Variants in UBR1 observed in about 807,000 individuals in gnomAD.
The protein encoded by UBR1 is E3 ubiquitin-protein ligase UBR1.
UBR1 carries 102 observed loss-of-function variants against 242.1 expected under a neutral mutation model. The observed-to-expected ratio is 0.42, with a 90% CI of 0.36 to 0.50. The LOEUF (loss-of-function observed/expected upper bound fraction) is 0.50, where lower values mean the gene tolerates loss of function less well. Ranked by LOEUF, UBR1 falls within the 20% of genes least tolerant of loss-of-function variation. The pLI is 0.01. For synonymous variants in UBR1, 675 were observed against 684.8 expected, an observed-to-expected ratio of 0.99 and a Z score of 0.22; for missense variants, 1,772 against 2,101.8, an observed-to-expected ratio of 0.84 and a Z score of 3.07.
intron 5 of UBR1, among the ~76,000 whole-genome samples, chr15:43,069,434 G>A (rs1352521454): frequency 2.6e-5 from 4 of 152,038 alleles, no homozygotes; most frequent in South Asian, 2.1e-4. Flanking sequence ...CCGCCATGAT[G>A]CCCAGCTAAT....
At chr15:43,002,906 C>T (rs1452642663) in intron 31 of UBR1, among the ~76,000 whole-genome samples, 1 of 152,190 alleles carries the variant, frequency 6.6e-6, no homozygotes, top group African/African-American at 2.4e-5. Flanking sequence ...TTGGAAAATA[C>T]ATCAGAGCAG....
chr15:42,948,726 A>G (rs1232007347), intron 46 of UBR1, among the ~76,000 whole-genome samples: 1 of 152,218 alleles, frequency 6.6e-6, no homozygotes, highest in Non-Finnish European at 1.5e-5. Flanking sequence ...TCAAAACCAC[A>G]ATGAGATACC....
chr15:43,085,448 GAC>G (rs2034024072), intron 2 of UBR1, among the ~76,000 whole-genome samples: 1 of 152,014 alleles, frequency 6.6e-6, no homozygotes, highest in South Asian at 2.1e-4. Context: ...TTAACTGGAA[GAC>G]ATATATATTC....
At chr15:43,034,683 C>G (rs1241472712) in intron 19 of UBR1, among the ~76,000 whole-genome samples, 3 of 151,672 alleles carry the variant, frequency 2.0e-5, no homozygotes, top group Non-Finnish European at 4.4e-5. Flanking sequence ...GTCAGAAGTT[C>G]GAGACCAGCC....
rs754961922 is a variant in UBR1 at position 43,106,007 on chromosome 15, C to G, written c.16G>C (p.Ala6Pro). MADEEAGGTERMEISA... is the reference protein window; with the variant it reads MADEEPGGTERMEISA... ...ATTTCCATCCTCTCAGTACCTCCAG[C>G]CTCCTCGTCCGCCATCTTGAGGGAA... is the stretch of plus-strand genomic sequence containing the variant. Residue 6 changes from alanine (A) to proline (P), a missense_variant, in exon 1 of 47, where the codon GCT becomes CCT. By Grantham distance (27) the Ala-to-Pro change is conservative. This residue lies in a region of UBR1 where 734 missense variants were observed against 893.3 expected (regional missense o/e 0.82). Coordinates refer to ENST00000290650, the MANE Select transcript of UBR1 (RefSeq NM_174916.3). The G allele has an allele frequency of 6.2e-7, 1 of 1,613,106 alleles. No individual in the cohort carries two copies. The highest frequency in any genetic ancestry group is 8.5e-7 in the Non-Finnish European group (1 of 1,179,652).
intron 2 of UBR1, among the ~76,000 whole-genome samples, chr15:43,082,956 A>C (rs1019368000): frequency 2.0e-5 from 3 of 152,250 alleles, no homozygotes; most frequent in African/African-American, 7.2e-5. Flanking sequence ...TTCTGAAATC[A>C]TTCTCATAAC....
chr15:43,100,431 C>T (rs1227063996), intron 1 of UBR1, among the ~76,000 whole-genome samples: 1 of 152,132 alleles, frequency 6.6e-6, no homozygotes, highest in Non-Finnish European at 1.5e-5. Context: ...TATCTACAAC[C>T]TCCATCCACC....
intron 41 of UBR1, among the ~76,000 whole-genome samples, chr15:42,965,456 C>T (rs2032090260): frequency 6.7e-6 from 1 of 149,850 alleles, no homozygotes; most frequent in East Asian, 1.9e-4. Context: ...TTAATGTAGT[C>T]ATATGTACTT....
intron 27 of UBR1, among the ~76,000 whole-genome samples, chr15:43,019,593 T>C: frequency 6.7e-6 from 1 of 150,052 alleles, no homozygotes; most frequent in South Asian, 2.1e-4. Context: ...TTTTTTTTTT[T>C]TTTTTTTGAG....
At position 42,979,842 on chromosome 15, in the gene UBR1, G is replaced by A. The variant is rs943194290; in HGVS notation, c.4151-1895C>T. Among the ~76,000 whole-genome samples, 7 of 152,172 alleles carry A rather than the reference G, an allele frequency of 4.6e-5. No homozygotes were observed. In the East Asian group the frequency reaches 1.3e-3, roughly 29 times the overall value. ...CAAAGTGCTGGGATTACAGGTGTGAGCCACTGCTCCAGGTCAACATATGAA... is the reference window on the plus strand; with the variant it reads ...CAAAGTGCTGGGATTACAGGTGTGAACCACTGCTCCAGGTCAACATATGAA... On this transcript the variant is annotated intron_variant, in intron 37 of 46. Coordinates refer to ENST00000290650, the MANE Select transcript of UBR1 (RefSeq NM_174916.3).
chr15:43,080,869 T>G (rs1370059426), intron 3 of UBR1, among the ~76,000 whole-genome samples: 1 of 151,856 alleles, frequency 6.6e-6, no homozygotes, highest in Admixed American at 6.6e-5. Context: ...GAGAAATGCA[T>G]GAACACAGGA....
intron 35 of UBR1, 124 bp downstream of exon 35, chr15:42,988,695 A>G: frequency 1.5e-6 from 2 of 1,319,888 alleles, no homozygotes; most frequent in Admixed American, 1.7e-5. Flanking sequence ...AATACACTGA[A>G]ATACTAATAG....
intron 3 of UBR1, among the ~76,000 whole-genome samples, chr15:43,081,447 G>C (rs924558613): frequency 6.2e-4 from 87 of 140,534 alleles, no homozygotes; most frequent in African/African-American, 2.2e-3. Flanking sequence ...AAAAAGAAAA[G>C]TTCCTGTTGT....
intron 27 of UBR1, chr15:43,021,036 G>A (rs2033104065): frequency 9.7e-6 from 4 of 411,732 alleles, no homozygotes; most frequent in Non-Finnish European, 1.8e-5. Context: ...AAGTGAGCAT[G>A]GCACATGGTA....
chr15:43,079,151 AAAC>A (rs1250923894), intron 3 of UBR1, among the ~76,000 whole-genome samples: 1 of 151,648 alleles, frequency 6.6e-6, no homozygotes, highest in African/African-American at 2.4e-5. Context: ...AAGAAAATCA[AAAC>A]AACGGAACAC....
At chr15:42,952,635 T>C (rs1352014093) in intron 44 of UBR1, among the ~76,000 whole-genome samples, 187 bp from the exon 45 acceptor site, 2 of 152,242 alleles carry the variant, frequency 1.3e-5, no homozygotes, top group Admixed American at 1.3e-4. Flanking sequence ...AAGGGCTTCA[T>C]GGAAAATCTT....
intron 25 of UBR1, 44 bp from the exon 26 acceptor site, chr15:43,022,845 G>T: frequency 8.2e-7 from 1 of 1,219,938 alleles, no homozygotes; most frequent in Non-Finnish European, 1.2e-6. Context: ...CGCTTCTTCA[G>T]GTAAATATAT....
intron 29 of UBR1, among the ~76,000 whole-genome samples, chr15:43,007,627 A>C (rs1297995751): frequency 1.3e-5 from 2 of 152,054 alleles, no homozygotes; most frequent in African/African-American, 4.8e-5. Flanking sequence ...AAAATCTATA[A>C]TAGTATAAAA....
intron 3 of UBR1, among the ~76,000 whole-genome samples, chr15:43,078,529 G>C (rs965591091): frequency 6.6e-6 from 1 of 152,096 alleles, no homozygotes; most frequent in Non-Finnish European, 1.5e-5. Flanking sequence ...AATTAAAAGG[G>C]GAGGGGCAAA....
Sources: allele counts gnomAD v4.1 joint callset (sites outside exome capture counted in the v4.1 genomes callset), GRCh38; gene constraint gnomAD v4.1.1; regional missense constraint gnomAD v4.1.1; transcripts MANE v1.5; gene names NCBI Gene and HGNC (gene_info 2026-07-23, HGNC 2026-07-21).